Variants in GPC3 observed in about 807,000 individuals in gnomAD.
GPC3 encodes glypican-3.
Under a neutral mutation model 34.4 loss-of-function variants are expected in GPC3, and 3 were observed. The observed-to-expected ratio is 0.09, with a 90% confidence interval of 0.04 to 0.23. The LOEUF is 0.23. GPC3 is among the 10% of genes least tolerant of loss of function. GPC3 has a pLI of 1.00. For missense variants in GPC3, 351 were observed against 445.6 expected (o/e 0.79, Z 1.91); for synonymous variants, 177 against 174.0 (o/e 1.02, Z -0.13).
At chrX:133,906,961 C>T (rs1024472529) in intron 2 of GPC3, among the ~76,000 whole-genome samples, 3 of 109,912 alleles carry the variant, frequency 2.7e-5, no homozygotes, top group Non-Finnish European at 3.8e-5. Flanking sequence ...ATTAGCTGGG[C>T]GTGGTGGCGG....
At chrX:133,878,405 C>T (rs757640394) in intron 2 of GPC3, among the ~76,000 whole-genome samples, 22 of 109,459 alleles carry the variant, frequency 2.0e-4, no homozygotes, top group Non-Finnish European at 3.0e-4. Context: ...CCAGCCTGGG[C>T]GACAAGAGTG....
At chrX:133,790,105 A>G (rs1285911216) in intron 2 of GPC3, among the ~76,000 whole-genome samples, 7 of 111,180 alleles carry the variant, frequency 6.3e-5, no homozygotes, top group Non-Finnish European at 1.3e-4. Flanking sequence ...GCTGGATGAC[A>G]TAGAAGAAAT....
intron 6 of GPC3, among the ~76,000 whole-genome samples, chrX:133,633,562 G>A (rs1182461331): frequency 8.9e-6 from 1 of 112,028 alleles, no homozygotes; most frequent in African/African-American, 3.2e-5. Flanking sequence ...AAAGAGTAGA[G>A]GATTTGGAGA....
intron 2 of GPC3, among the ~76,000 whole-genome samples, chrX:133,770,939 G>A (rs902439963): frequency 4.5e-5 from 5 of 111,555 alleles, no homozygotes; most frequent in African/African-American, 1.6e-4. Flanking sequence ...ATTTAAATCT[G>A]GGAGGGGATG....
intron 2 of GPC3, among the ~76,000 whole-genome samples, chrX:133,899,947 C>G (rs369674732): frequency 9.0e-6 from 1 of 110,683 alleles, no homozygotes; most frequent in East Asian, 2.8e-4. Flanking sequence ...GGATTACAGG[C>G]GCCCGCCACC....
chrX:133,810,113 T>G (rs1266257671), intron 2 of GPC3, among the ~76,000 whole-genome samples: 1 of 112,123 alleles, frequency 8.9e-6, no homozygotes, highest in East Asian at 2.8e-4. Flanking sequence ...CTGAGAGTTT[T>G]ACTCATTCTC....
At chrX:133,556,938 G>T (rs2069495185) in intron 7 of GPC3, among the ~76,000 whole-genome samples, 1 of 109,203 alleles carries the variant, frequency 9.2e-6, no homozygotes, top group Non-Finnish European at 1.9e-5. Flanking sequence ...AAAAAATAAA[G>T]ATTTTTTTTT....
At chrX:133,744,910 G>A (rs1343581300) in intron 3 of GPC3, among the ~76,000 whole-genome samples, 1 of 110,382 alleles carries the variant, frequency 9.1e-6, no homozygotes, top group Non-Finnish European at 1.9e-5. Flanking sequence ...ACTAACACAG[G>A]AACAGAAAAC....
chrX:133,952,973 T>C lies in GPC3; in HGVS notation c.337+77A>G, dbSNP rs1009451621. 12 of 841,359 alleles carry C rather than the reference T, an allele frequency of 1.4e-5. No homozygotes were observed. In the African/African-American group the frequency reaches 2.0e-4, roughly 14 times the overall value. The allele number at this position is 841,359 out of a possible 1,213,427, so 69.3% of individuals were successfully genotyped here. ...TGCTGGAATGGTAATTTATAAATTA[T>C]ACTTAGTATTTGAAAGCCCAGTGCC... On this transcript the variant is annotated intron_variant, in intron 2 of 7. Coordinates refer to ENST00000370818, the MANE Select transcript of GPC3 (RefSeq NM_004484.4).
In GPC3 at chrX:133,918,690, C is replaced by G. The variant is rs757888700; in HGVS notation, c.337+34360G>C. On this transcript the variant is annotated intron_variant, in intron 2 of 7. Transcript: ENST00000370818. ...ATGGTCCATGTGAAGAGCACCAAAACAGATGGCAGCAAGGAGTTAAATACC... is the reference window on the plus strand; with the variant it reads ...ATGGTCCATGTGAAGAGCACCAAAAGAGATGGCAGCAAGGAGTTAAATACC... Among the ~76,000 whole-genome samples the G allele has an allele frequency of 6.3e-5, 7 of 111,900 alleles. No homozygotes were observed. The South Asian group carries it at 2.3e-3, about 36-fold the overall frequency.
intron 2 of GPC3, among the ~76,000 whole-genome samples, chrX:133,792,656 T>C (rs1027640732): frequency 1.8e-5 from 2 of 110,962 alleles, no homozygotes; most frequent in Non-Finnish European, 3.8e-5. Flanking sequence ...TTCCATCCAG[T>C]AGAGGGCCAG....
chrX:133,905,086 C>T (rs1420377918), intron 2 of GPC3, among the ~76,000 whole-genome samples: 1 of 111,968 alleles, frequency 8.9e-6, no homozygotes, highest in African/African-American at 3.2e-5. Flanking sequence ...ACATGTTTAA[C>T]TGTCAGTACT....
chrX:133,890,051 G>T (rs186746456), intron 2 of GPC3, among the ~76,000 whole-genome samples: 163 of 110,462 alleles, frequency 1.5e-3, no homozygotes, highest in African/African-American at 5.1e-3. Context: ...TTACAGGCGT[G>T]AGCCACTGCA....
intron 3 of GPC3, among the ~76,000 whole-genome samples, chrX:133,710,629 G>A (rs893125897): frequency 4.5e-5 from 5 of 111,483 alleles, no homozygotes; most frequent in African/African-American, 1.6e-4. Context: ...GGTCTGCTCT[G>A]GAATATCTGG....
chrX:133,830,678 C>CAAAAAAA (rs1174232524), intron 2 of GPC3, among the ~76,000 whole-genome samples: 8 of 13,419 alleles, frequency 6.0e-4, no homozygotes, highest in Non-Finnish European at 9.7e-4. Flanking sequence ...GACTCCATCT[C>CAAAAAAA]AAAAAAAAAA....
At chrX:133,881,338 C>A (rs1439566849) in intron 2 of GPC3, among the ~76,000 whole-genome samples, 1 of 111,798 alleles carries the variant, frequency 8.9e-6, no homozygotes, top group East Asian at 2.8e-4. Flanking sequence ...ATCCACCCTG[C>A]GTGCTCTAAT....
chrX:133,543,268 A>G (rs1465574738), intron 7 of GPC3, among the ~76,000 whole-genome samples: 1 of 110,777 alleles, frequency 9.0e-6, no homozygotes, highest in Non-Finnish European at 1.9e-5. Flanking sequence ...ACAAATACAT[A>G]CCACCACTCC....
intron 1 of GPC3, among the ~76,000 whole-genome samples, chrX:133,976,733 C>T (rs1158875473): frequency 1.8e-5 from 2 of 109,342 alleles, no homozygotes; most frequent in African/African-American, 3.3e-5. Context: ...GCCTGGCCAA[C>T]GTGGTGAAAC....
chrX:133,950,202 C>T (rs777767912), intron 2 of GPC3, among the ~76,000 whole-genome samples: 4 of 111,683 alleles, frequency 3.6e-5, no homozygotes, highest in South Asian at 3.8e-4. Flanking sequence ...ATTTAGGAAA[C>T]GAGGCAATGC....
Sources: gnomAD v4.1 joint callset for allele counts (sites outside exome capture counted in the v4.1 genomes callset) on GRCh38, gnomAD v4.1.1 for gene constraint, MANE v1.5 for transcripts, NCBI Gene and HGNC (gene_info 2026-07-23, HGNC 2026-07-21) for gene names.